Variants in DDI2 observed in about 807,000 individuals in gnomAD.
DDI2 encodes the protein protein DDI1 homolog 2.
A neutral mutation model predicts 48.1 loss-of-function variants in DDI2; 5 were observed. The ratio of observed to expected loss-of-function variants is 0.10; its 90% CI spans 0.05 to 0.22. DDI2 has a LOEUF of 0.22. Ranked by LOEUF, DDI2 falls within the 10% of genes least tolerant of loss-of-function variation. The pLI is 1.00. For synonymous variants in DDI2, 205 were observed against 183.6 expected (o/e 1.12, Z -0.94); for missense variants, 285 against 506.2 (o/e 0.56, Z 4.19).
chr1:15,655,700 C>T (rs967260477), intron 8 of DDI2, among the ~76,000 whole-genome samples: 10 of 150,828 alleles, frequency 6.6e-5, no homozygotes, highest in African/African-American at 2.4e-4. Context: ...TTGCAGTGAG[C>T]CAAGATTGCA....
At chr1:15,655,766 A>AG (rs938284308) in intron 8 of DDI2, among the ~76,000 whole-genome samples, 6 of 151,568 alleles carry the variant, frequency 4.0e-5, no homozygotes, top group Admixed American at 2.6e-4. Flanking sequence ...AAAAAAAAAA[A>AG]AGAAAAAAAA....
Position 15,665,262 on chromosome 1 carries a change from C to CAAAA in DDI2, c.*5487_*5490dup, listed in dbSNP as rs1220947128. 2.1e-3 allele frequency: 202 copies of CAAAA among 95,906 alleles called. 1 individual carries two copies. Among genetic ancestry groups the CAAAA allele is most frequent in the African/African-American group, 6.1e-3 (172 of 28,316 alleles). The allele number at this position is 95,906 out of a possible 1,614,324, so 5.9% of individuals were successfully genotyped here. On this transcript the variant is annotated 3_prime_UTR_variant, in exon 10 of 10. Coordinates refer to ENST00000480945, the MANE Select transcript of DDI2 (RefSeq NM_032341.5). ...GGGCAACAAGAGCAAAACTCTGTCT[C>CAAAA]AAAAAAAAAAAAAAAAAAGGTAACC...
chr1:15,617,829 G>A, intron 1 of DDI2, 21 bp downstream of exon 1: 1 of 1,565,550 alleles, frequency 6.4e-7, no homozygotes, highest in South Asian at 1.2e-5. Flanking sequence ...CAGCGAGCCG[G>A]GCCTGCCCCG....
chr1:15,642,597 G>A (rs1640027863), intron 5 of DDI2, among the ~76,000 whole-genome samples: 2 of 152,114 alleles, frequency 1.3e-5, no homozygotes, highest in Non-Finnish European at 2.9e-5. Flanking sequence ...ACAGGCATGA[G>A]CCACTACACC....
Position 15,630,534 on chromosome 1 carries a change from G to T in DDI2, c.478G>T (p.Ala160Ser), listed in dbSNP as rs1639827136. The stretch of plus-strand genomic sequence containing the variant: ...GCTGAAGGAACGCAATCCACCCCTG[G>T]CAGAAGCTCTGCTCAGTGGAGACCT... ...SLLKERNPPL[A>S]EALLSGDLEK... Residue 160 changes from alanine (A) to serine (S), a missense_variant, in exon 3 of 10, where the codon GCA (alanine) becomes TCA (serine). Physicochemically the swap from Ala to Ser is moderately conservative, Grantham distance 99 (BLOSUM62 1). Around this residue, in one of 3 missense-constraint regions of DDI2, gnomAD observed 149 missense variants for 236.5 expected, o/e 0.63. Coordinates refer to ENST00000480945, the MANE Select transcript of DDI2 (RefSeq NM_032341.5). The T allele has an allele frequency of 7.4e-6, 12 of 1,613,932 alleles. No individual in the cohort carries two copies. The highest frequency in any genetic ancestry group is 1.0e-5 in the Non-Finnish European group (12 of 1,179,836).
At chr1:15,640,737 C>T (rs893528599) in intron 5 of DDI2, among the ~76,000 whole-genome samples, 2 of 152,172 alleles carry the variant, frequency 1.3e-5, no homozygotes, top group Non-Finnish European at 2.9e-5. Flanking sequence ...ATTCCCTTTT[C>T]CTTCATTATT....
At chr1:15,646,273 T>C (rs1013058264) in intron 6 of DDI2, among the ~76,000 whole-genome samples, 2 of 152,230 alleles carry the variant, frequency 1.3e-5, no homozygotes, top group Middle Eastern at 3.2e-3. Flanking sequence ...CCAGTTCCTA[T>C]GCTCCATAGG....
At chr1:15,642,264 A>G (rs891035054) in intron 5 of DDI2, among the ~76,000 whole-genome samples, 7 of 152,210 alleles carry the variant, frequency 4.6e-5, no homozygotes, top group South Asian at 2.1e-4. Context: ...TGTCTTCTAC[A>G]TAGGCCAACC....
intron 8 of DDI2, among the ~76,000 whole-genome samples, chr1:15,653,514 C>A (rs1640225972): frequency 6.6e-6 from 1 of 151,554 alleles, no homozygotes; most frequent in South Asian, 2.1e-4. Context: ...GACAGAAGAA[C>A]CAACAAAAAG....
At chr1:15,629,140 A>G (rs1265606170) in intron 2 of DDI2, among the ~76,000 whole-genome samples, 1 of 152,188 alleles carries the variant, frequency 6.6e-6, no homozygotes, top group Non-Finnish European at 1.5e-5. Flanking sequence ...TAAAATGATG[A>G]CACTGTTTAG....
chr1:15,638,459 T>G, intron 5 of DDI2, 25 bp downstream of exon 5: 5 of 1,610,072 alleles, frequency 3.1e-6, no homozygotes, highest in Non-Finnish European at 4.2e-6. Flanking sequence ...TTTTATTTCT[T>G]GGTCTCCCCT....
chr1:15,626,561 G>C, intron 1 of DDI2, 108 bp from the exon 2 acceptor site: 1 of 1,486,136 alleles, frequency 6.7e-7, no homozygotes, highest in South Asian at 1.3e-5. Flanking sequence ...ATCCACTGGA[G>C]GGTTTGAAAG....
Position 15,665,782 on chromosome 1 carries a change from G to A in DDI2, c.*5992G>A, listed in dbSNP as rs972500839. The stretch of plus-strand genomic sequence containing the variant: ...TCATCGGCCAGAAAAGCTGCAGGGC[G>A]TTGCAATGGCCTTTTCCTACCTGTT... On this transcript the variant is annotated 3_prime_UTR_variant, in exon 10 of 10. Coordinates refer to ENST00000480945, the MANE Select transcript of DDI2 (RefSeq NM_032341.5). 13 of 152,166 alleles carry A rather than the reference G, an allele frequency of 8.5e-5. No individual in the cohort carries two copies. Among genetic ancestry groups the A allele is most frequent in the East Asian group, 3.8e-4 (2 of 5,200 alleles). 9.4% of individuals were successfully genotyped at this position (152,166 alleles called of 1,614,324 possible).
chr1:15,617,547 A>C lies in DDI2; in HGVS notation c.-124A>C. ...CTGAGCGTGTGTGAGGGAGGGAGCG[A>C]GCGAGCGAACGAGCAGCCGGCGCCG... On this transcript the variant is annotated 5_prime_UTR_variant, in exon 1 of 10. Transcript: ENST00000480945. The C allele has an allele frequency of 1.3e-6, 1 of 758,366 alleles. No individual in the cohort carries two copies. The highest frequency in any genetic ancestry group is 1.8e-6 in the Non-Finnish European group (1 of 557,490). The allele number at this position is 758,366 out of a possible 1,614,324, so 47.0% of individuals were successfully genotyped here. A position where few individuals can be genotyped will look rare whatever the true frequency, so the allele number is the denominator to read the frequency against.
Position 15,649,738 on chromosome 1 carries a change from G to T in DDI2, c.908G>T (p.Gly303Val). 1 of 1,613,242 alleles carries T rather than the reference G, an allele frequency of 6.2e-7. No individual in the cohort carries two copies. The highest frequency in any genetic ancestry group is 1.1e-5 in the South Asian group (1 of 90,926). Residue 303 changes from glycine (G) to valine (V), a missense_variant, in exon 7 of 10, where the codon GGA becomes GTA. This residue lies in a region of DDI2 where 70 missense variants were observed against 182.3 expected (regional missense o/e 0.38). Coordinates refer to ENST00000480945, the MANE Select transcript of DDI2 (RefSeq NM_032341.5). ...RVHLAQVQIE[G>V]DFLPCSFSIL... ...TTTTTAGCTCAGGTTCAGATTGAAG[G>T]AGATTTTTTGCCATGTTCCTTCTCT...
rs781280583 is a variant in DDI2, at chr1:15,660,189, A to G, written c.*399A>G. ...ATTCATCCGAAGAAATAACTGTTGC[A>G]GGTAATCTGGAGAAATCTGCTGAAA... is the stretch of plus-strand genomic sequence containing the variant. On this transcript the variant is annotated 3_prime_UTR_variant, in exon 10 of 10. Coordinates refer to ENST00000480945, the MANE Select transcript of DDI2 (RefSeq NM_032341.5). The G allele has an allele frequency of 5.0e-6, 8 of 1,614,110 alleles. No individual in the cohort carries two copies. The East Asian group carries it at 1.6e-4, about 31-fold the overall frequency.
At chr1:15,648,850 AAAC>A (rs1009773623) in intron 6 of DDI2, among the ~76,000 whole-genome samples, 1 of 151,458 alleles carries the variant, frequency 6.6e-6, no homozygotes, top group Non-Finnish European at 1.5e-5. Context: ...AAAAAAAAAA[AAAC>A]AACCCTAAAA....
intron 8 of DDI2, among the ~76,000 whole-genome samples, chr1:15,655,881 GCAC>G (rs1640264655): frequency 6.6e-6 from 1 of 151,948 alleles, no homozygotes; most frequent in African/African-American, 2.4e-5. Flanking sequence ...AGTTGTGGTT[GCAC>G]CACTGCACTC....
At chr1:15,652,590 G>A (rs1205971472) in intron 8 of DDI2, among the ~76,000 whole-genome samples, 1 of 151,840 alleles carries the variant, frequency 6.6e-6, no homozygotes, top group Non-Finnish European at 1.5e-5. Flanking sequence ...TTGGGAGGCT[G>A]AGGCAGGTGG....
Sources: gnomAD v4.1 joint callset for allele counts (sites outside exome capture counted in the v4.1 genomes callset) on GRCh38, gnomAD v4.1.1 for gene constraint, gnomAD v4.1.1 regional missense constraint, MANE v1.5 for transcripts, NCBI Gene and HGNC (gene_info 2026-07-23, HGNC 2026-07-21) for gene names.